The following CHRM3 variants were observed in gnomAD, a reference collection of about 807,000 sequenced individuals.
CHRM3 encodes cholinergic receptor muscarinic 3.
A neutral mutation model predicts 41.8 loss-of-function variants in CHRM3; 11 were observed. The observed-to-expected ratio is 0.26, with a 90% CI of 0.17 to 0.44. The LOEUF is 0.44. Among genes scored for constraint, CHRM3 ranks in the 20% least tolerant of loss-of-function variants. The pLI is 1.00. For synonymous variants in CHRM3, 297 were observed against 301.4 expected, an observed-to-expected ratio of 0.99 and a Z score of 0.15; for missense variants, 571 against 745.4, an observed-to-expected ratio of 0.77 and a Z score of 2.72.
At chr1:239,661,053 A>T (rs113330376) in intron 4 of CHRM3, among the ~76,000 whole-genome samples, 16 of 152,320 alleles carry the variant, frequency 1.1e-4, no homozygotes, top group African/African-American at 3.8e-4. Flanking sequence ...AAATAATAAC[A>T]TGCCCAGGTC....
intron 1 of CHRM3, among the ~76,000 whole-genome samples, chr1:239,411,720 CAAAAAAAAAAAAAAA>C (rs1161775399): frequency 9.8e-4 from 46 of 46,740 alleles, no homozygotes; most frequent in African/African-American, 3.2e-3. Flanking sequence ...GCCTCTGTCT[CAAAAAAAAAAAAAAA>C]AAAAAAAAAA....
In CHRM3 at chr1:239,838,437, T is replaced by C. The variant is rs995298633; in HGVS notation, c.-20+11059T>C. Among the ~76,000 whole-genome samples, 10 of 152,326 alleles carry C rather than the reference T, an allele frequency of 6.6e-5. 1 individual carries two copies. Among genetic ancestry groups the C allele is most frequent in the South Asian group, 4.1e-4 (2 of 4,822 alleles). On this transcript the variant is annotated intron_variant, in intron 6 of 6. Coordinates refer to ENST00000676153, the MANE Select transcript of CHRM3 (RefSeq NM_001375978.1). Reference sequence around the variant, plus strand: ...GACAACTCTACAATATATAGGTGTCTTGGTGGCTGTAATTGTCAAACAACA... The same window carrying C: ...GACAACTCTACAATATATAGGTGTCCTGGTGGCTGTAATTGTCAAACAACA...
intron 5 of CHRM3, among the ~76,000 whole-genome samples, chr1:239,756,931 A>G (rs978104211): frequency 2.0e-5 from 3 of 152,188 alleles, no homozygotes; most frequent in Non-Finnish European, 4.4e-5. Flanking sequence ...TCTGAGGTGT[A>G]TGCAATTGTT....
chr1:239,591,066 G>C (rs923561039), intron 3 of CHRM3, among the ~76,000 whole-genome samples: 2 of 152,134 alleles, frequency 1.3e-5, no homozygotes, highest in African/African-American at 4.8e-5. Flanking sequence ...AACATAATAG[G>C]TTCTGTGTGT....
At position 239,748,870 on chromosome 1, in the gene CHRM3, T is replaced by C. The variant is rs1665579308; in HGVS notation, c.-147+70582T>C. 6.6e-6 allele frequency among the ~76,000 whole-genome samples: 1 copy of C among 152,226 alleles called. No individual in the cohort carries two copies. Among genetic ancestry groups the C allele is most frequent in the Admixed American group, 6.5e-5 (1 of 15,286 alleles). On this transcript the variant is annotated intron_variant, in intron 5 of 6. Coordinates refer to ENST00000676153, the MANE Select transcript of CHRM3 (RefSeq NM_001375978.1). The surrounding 1 kb of genome is among the most constrained non-coding windows in gnomAD (Gnocchi z 4.3). ...AAGATAACTTGACCTTCGTATTAAC[T>C]GGCTAGCTTTACTGAAGGAAAATGA...
chr1:239,399,987 A>T (rs1659827664), intron 1 of CHRM3, among the ~76,000 whole-genome samples: 1 of 152,078 alleles, frequency 6.6e-6, no homozygotes, highest in Non-Finnish European at 1.5e-5. Flanking sequence ...ATCTTGGCTC[A>T]CTGCAACCTC....
At chr1:239,522,759 T>C (rs549849623) in intron 2 of CHRM3, among the ~76,000 whole-genome samples, 61 of 152,312 alleles carry the variant, frequency 4.0e-4, no homozygotes, top group Admixed American at 2.1e-3. Context: ...ATGCTGGGGT[T>C]GGTTTAAGAA....
At chr1:239,816,969 C>T (rs559834822) in intron 5 of CHRM3, among the ~76,000 whole-genome samples, 1 of 152,172 alleles carries the variant, frequency 6.6e-6, no homozygotes, top group Admixed American at 6.5e-5. Context: ...CTGACTCCCC[C>T]ACCTCGGCCT....
At chr1:239,419,662 A>G (rs907143519) in intron 1 of CHRM3, among the ~76,000 whole-genome samples, 17 of 152,234 alleles carry the variant, frequency 1.1e-4, no homozygotes, top group African/African-American at 3.6e-4. Flanking sequence ...CCATTTGTCT[A>G]TATATTCCAG....
chr1:239,445,920 A>T lies in CHRM3; in HGVS notation c.-520-46789A>T, dbSNP rs188663865. Among the ~76,000 whole-genome samples, 27 of 151,596 alleles carry T rather than the reference A, an allele frequency of 1.8e-4. No individual in the cohort carries two copies. The East Asian group carries it at 3.9e-3, about 22-fold the overall frequency. ...CATTTAAGAAGAGATTGAATGAATT[A>T]TGACATCTTGAATGGTGTGCACTTT... On this transcript the variant is annotated intron_variant, in intron 1 of 6. Transcript: ENST00000676153.
chr1:239,639,767 C>G (rs1449691364), intron 4 of CHRM3, among the ~76,000 whole-genome samples: 2 of 150,396 alleles, frequency 1.3e-5, no homozygotes, highest in Non-Finnish European at 2.9e-5. Context: ...CCTTCTCCTG[C>G]CTAATTGCCC....
intron 5 of CHRM3, chr1:239,705,574 G>A (rs895297389): frequency 3.9e-5 from 6 of 152,034 alleles, no homozygotes; most frequent in Non-Finnish European, 5.9e-5. Context: ...TCTTCATATG[G>A]CGTTCTCCCC....
intron 6 of CHRM3, among the ~76,000 whole-genome samples, chr1:239,859,156 A>C (rs1217527934): frequency 6.6e-6 from 1 of 152,210 alleles, no homozygotes; most frequent in Non-Finnish European, 1.5e-5. Flanking sequence ...TTAACCATTA[A>C]AATAATTTAT....
intron 6 of CHRM3, among the ~76,000 whole-genome samples, chr1:239,829,431 T>C (rs1672727214): frequency 6.6e-6 from 1 of 151,762 alleles, no homozygotes; most frequent in Admixed American, 6.6e-5. Context: ...AGAAAAGAAA[T>C]TTTAAATTTT....
chr1:239,600,543 T>C (rs1198634021), intron 3 of CHRM3, among the ~76,000 whole-genome samples: 1 of 152,114 alleles, frequency 6.6e-6, no homozygotes, highest in Non-Finnish European at 1.5e-5. Flanking sequence ...AACTAAGTCA[T>C]GTTTTAACTT....
chr1:239,785,285 A>G (rs1275269428), intron 5 of CHRM3, among the ~76,000 whole-genome samples: 1 of 152,174 alleles, frequency 6.6e-6, no homozygotes, highest in Non-Finnish European at 1.5e-5. Context: ...GATTTCATTG[A>G]GGAGTATTTG....
chr1:239,724,311 A>G (rs756210510), intron 5 of CHRM3, among the ~76,000 whole-genome samples: 44 of 151,984 alleles, frequency 2.9e-4, no homozygotes, highest in Non-Finnish European at 7.4e-5. Context: ...CCAAAACAGT[A>G]TACCTGTGGG....
chr1:239,762,342 G>A (rs1246398429), intron 5 of CHRM3, among the ~76,000 whole-genome samples: 1 of 152,042 alleles, frequency 6.6e-6, no homozygotes, highest in Non-Finnish European at 1.5e-5. Context: ...TATGTTAAGA[G>A]GTTTACAAGT....
chr1:239,458,135 C>T (rs532483822), intron 1 of CHRM3, among the ~76,000 whole-genome samples: 5 of 151,896 alleles, frequency 3.3e-5, no homozygotes, highest in African/African-American at 1.2e-4. Flanking sequence ...ATACATAATA[C>T]GGGAGAGTAC....
Sources: gnomAD v4.1 joint callset for allele counts (sites outside exome capture counted in the v4.1 genomes callset) on GRCh38, gnomAD v4.1.1 for gene constraint, Gnocchi (gnomAD v3.1) non-coding constraint, MANE v1.5 for transcripts, NCBI Gene and HGNC (gene_info 2026-07-23, HGNC 2026-07-21) for gene names.